The following RBFOX1 variants were observed in gnomAD, a reference collection of about 807,000 sequenced individuals.
RBFOX1 encodes RNA binding protein fox-1 homolog 1.
RBFOX1 carries 8 observed loss-of-function variants against 57.7 expected under a neutral mutation model. The ratio of observed to expected loss-of-function variants is 0.14; its 90% CI spans 0.08 to 0.25. The LOEUF (loss-of-function observed/expected upper bound fraction) is 0.25, where lower values mean the gene tolerates loss of function less well. RBFOX1 is among the 10% of genes least tolerant of loss of function. RBFOX1 has a pLI of 1.00. For synonymous variants in RBFOX1, 326 were observed against 222.4 expected (o/e 1.47, Z -4.15); for missense variants, 611 against 548.5 (o/e 1.11, Z -1.14).
In RBFOX1 at chr16:7,330,510, T is replaced by TGTGTG. The variant is rs1568240374; in HGVS notation, c.28-187637_28-187636insGTGTG. ...TGTGTGTGTGTGTGTGTGTGTGTGT[T>TGTGTG]TGTGTGTGTGTGTGTAGAGAGAGAG... On this transcript the variant is annotated intron_variant, in intron 4 of 15. Coordinates refer to ENST00000550418, the MANE Select transcript of RBFOX1 (RefSeq NM_018723.4). Among the ~76,000 whole-genome samples, 122 of 57,168 alleles carry TGTGTG rather than the reference T, an allele frequency of 2.1e-3. 3 individuals carry two copies. Among genetic ancestry groups the TGTGTG allele is most frequent in the African/African-American group, 5.9e-3 (91 of 15,396 alleles). 37.5% of individuals were successfully genotyped at this position (57,168 alleles called of 152,430 possible).
In RBFOX1 at chr16:6,874,393, C is replaced by A. The variant is rs552174449; in HGVS notation, c.-15-177664C>A. On this transcript the variant is annotated intron_variant, in intron 3 of 15. Coordinates refer to ENST00000550418, the MANE Select transcript of RBFOX1 (RefSeq NM_018723.4). ...GGCATATTGGCAGGTGCCTGTAGTC[C>A]CAGCTACTTAGGAGGCTGAGGCAGG... Among the ~76,000 whole-genome samples, 6 of 151,468 alleles carry A rather than the reference C, an allele frequency of 4.0e-5. No individual in the cohort carries two copies. The South Asian group carries it at 6.3e-4, about 16-fold the overall frequency.
Position 7,451,147 on chromosome 16 carries a change from G to C in RBFOX1, c.28-67000G>C, listed in dbSNP as rs111439334. ...AAGAATCGTACTCAGAAAACATCCA[G>C]CTTTCTGGGGGATGAGGTTGTGCAG... On this transcript the variant is annotated intron_variant, in intron 4 of 15. Transcript: ENST00000550418. Among the ~76,000 whole-genome samples the C allele has an allele frequency of 4.8e-3, 734 of 152,278 alleles. 4 individuals are homozygous for C. Among genetic ancestry groups the C allele is most frequent in the African/African-American group, 0.016 (671 of 41,536 alleles).
chr16:7,586,306 A>C lies in RBFOX1; in HGVS notation c.415-941A>C, dbSNP rs557361367. 1.5e-3 allele frequency among the ~76,000 whole-genome samples: 226 copies of C among 152,282 alleles called. 3 individuals are homozygous for C. In the South Asian group the frequency reaches 0.046, roughly 31 times the overall value. On this transcript the variant is annotated intron_variant, in intron 6 of 15. Coordinates refer to ENST00000550418, the MANE Select transcript of RBFOX1 (RefSeq NM_018723.4). ...TCATGTGATCTCAGAAAACTGAAAA[A>C]ATTCCAAGGTTGGGGGAAAGGATTT...
intron 3 of RBFOX1, among the ~76,000 whole-genome samples, chr16:5,790,497 A>G (rs1444270942): frequency 6.9e-6 from 1 of 145,454 alleles, no homozygotes; most frequent in African/African-American, 2.6e-5. Flanking sequence ...AGATGCAAGG[A>G]AAACAATATG....
chr16:5,788,517 T>C (rs1015001633), intron 3 of RBFOX1, among the ~76,000 whole-genome samples: 3 of 152,100 alleles, frequency 2.0e-5, no homozygotes, highest in Non-Finnish European at 2.9e-5. Flanking sequence ...AAGTCCCAGC[T>C]AGTTGGGAGG....
At chr16:7,638,218 A>G (rs916019170) in intron 11 of RBFOX1, among the ~76,000 whole-genome samples, 4 of 152,316 alleles carry the variant, frequency 2.6e-5, no homozygotes, top group South Asian at 2.1e-4. Context: ...GGCACTCACT[A>G]TATGTCAGGC....
chr16:6,918,087 G>C (rs2073642592), intron 3 of RBFOX1, among the ~76,000 whole-genome samples: 1 of 152,152 alleles, frequency 6.6e-6, no homozygotes, highest in African/African-American at 2.4e-5. Context: ...AGGAGTTCGA[G>C]ACCAGCCTGG....
chr16:7,435,848 A>G (rs1219055050), intron 4 of RBFOX1, among the ~76,000 whole-genome samples: 1 of 152,192 alleles, frequency 6.6e-6, no homozygotes, highest in East Asian at 1.9e-4. Context: ...AAGTTGTGTC[A>G]TAACTGTAGG....
At chr16:5,422,807 GA>G in intron 1 of RBFOX1, among the ~76,000 whole-genome samples, 1 of 135,006 alleles carries the variant, frequency 7.4e-6, no homozygotes, top group African/African-American at 2.8e-5. Context: ...GAAAGAGGAG[GA>G]GGAGGAGGGA....
At chr16:5,808,070 G>T (rs1444646543) in intron 3 of RBFOX1, among the ~76,000 whole-genome samples, 1 of 152,190 alleles carries the variant, frequency 6.6e-6, no homozygotes, top group Non-Finnish European at 1.5e-5. Flanking sequence ...TTTGTCCCCA[G>T]TCCCATTTCA....
intron 4 of RBFOX1, among the ~76,000 whole-genome samples, chr16:7,384,630 A>T (rs901731548): frequency 1.3e-5 from 2 of 152,224 alleles, no homozygotes; most frequent in East Asian, 3.9e-4. Context: ...TTTGCAGGCC[A>T]TGCCAACTTT....
chr16:6,828,470 G>T (rs998222227), intron 3 of RBFOX1, among the ~76,000 whole-genome samples: 57 of 152,024 alleles, frequency 3.7e-4, no homozygotes, highest in Non-Finnish European at 6.8e-4. Context: ...GTTGCAGTCA[G>T]TCGACATCAC....
intron 3 of RBFOX1, among the ~76,000 whole-genome samples, chr16:6,800,822 A>C (rs1368046067): frequency 6.6e-6 from 1 of 152,126 alleles, no homozygotes; most frequent in Non-Finnish European, 1.5e-5. Context: ...GACTGTATAA[A>C]TAGCATACAA....
In RBFOX1 at chr16:6,934,981, G is replaced by A. The variant is rs545991962; in HGVS notation, c.-15-117076G>A. Among the ~76,000 whole-genome samples, 11 of 152,140 alleles carry A rather than the reference G, an allele frequency of 7.2e-5. No individual in the cohort carries two copies. The East Asian group carries it at 1.4e-3, about 19-fold the overall frequency. ...CATTTGCCTGTGGTTCCAGCAAGTC[G>A]GGAGGCTGAGATAGGAGGACTGCTT... On this transcript the variant is annotated intron_variant, in intron 3 of 15. Transcript: ENST00000550418.
intron 4 of RBFOX1, among the ~76,000 whole-genome samples, chr16:7,153,788 G>C (rs1455328334): frequency 1.3e-5 from 2 of 151,518 alleles, no homozygotes; most frequent in Non-Finnish European, 2.9e-5. Flanking sequence ...TGTTCTGCTT[G>C]TTTTCAGTTA....
chr16:5,380,347 G>A lies in RBFOX1; in HGVS notation c.220-86869G>A, dbSNP rs1596751818. On this transcript the variant is annotated intron_variant, in intron 1 of 2. Coordinates refer to the RBFOX1 transcript ENST00000585867. ...TCTGTCCCAAGGATAGACGTACAGAGCGGTTAGAACAAGAGATACATCTGT... is the reference window on the plus strand; with the variant it reads ...TCTGTCCCAAGGATAGACGTACAGAACGGTTAGAACAAGAGATACATCTGT... Among the ~76,000 whole-genome samples, 3 of 152,318 alleles carry A rather than the reference G, an allele frequency of 2.0e-5. No individual in the cohort carries two copies. In the South Asian group the frequency reaches 6.2e-4, roughly 32 times the overall value.
chr16:5,835,169 G>C (rs942335031), intron 3 of RBFOX1, among the ~76,000 whole-genome samples: 2 of 152,178 alleles, frequency 1.3e-5, no homozygotes, highest in African/African-American at 2.4e-5. Flanking sequence ...AAGGCAACTG[G>C]CCCAGCCTTA....
chr16:5,588,674 G>A (rs1172375318), intron 2 of RBFOX1, among the ~76,000 whole-genome samples: 4 of 152,250 alleles, frequency 2.6e-5, no homozygotes, highest in Middle Eastern at 3.4e-3. Flanking sequence ...GGGCTGGGAG[G>A]GCATTGAATT....
intron 2 of RBFOX1, among the ~76,000 whole-genome samples, chr16:5,581,779 G>T (rs1330145444): frequency 6.6e-6 from 1 of 152,150 alleles, no homozygotes; most frequent in Non-Finnish European, 1.5e-5. Flanking sequence ...TAGTGGAAGA[G>T]GAGGGAGGAG....
Sources: allele counts gnomAD v4.1 joint callset (sites outside exome capture counted in the v4.1 genomes callset), GRCh38; gene constraint gnomAD v4.1.1; transcripts MANE v1.5; gene names NCBI Gene and HGNC (gene_info 2026-07-23, HGNC 2026-07-21).